SETD1A: variants seen among roughly 807,000 people sequenced by gnomAD.
SETD1A encodes the protein SET domain containing 1A, histone lysine methyltransferase.
In SETD1A, 29 loss-of-function variants were observed where a neutral mutation model predicts 149.9. The ratio of observed to expected loss-of-function variants is 0.19; its 90% confidence interval spans 0.14 to 0.26. The LOEUF (loss-of-function observed/expected upper bound fraction) is 0.26. SETD1A is among the 10% of genes least tolerant of loss of function. The probability of loss-of-function intolerance (pLI) is 1.00; values close to 1 mark genes in which losing one functional copy is unlikely to be tolerated. For synonymous variants in SETD1A, 1,141 were observed against 968.5 expected (o/e 1.18, Z -3.31); for missense variants, 2,109 against 2,353.1 (o/e 0.90, Z 2.15).
chr16:30,959,266 G>C (rs114200753), intron 3 of SETD1A, 80 bp downstream of exon 3: 1 of 954,864 alleles, frequency 1.0e-6, no homozygotes, highest in East Asian at 2.4e-5. Flanking sequence ...CTGAATAAAA[G>C]GGTTTCCAAT....
chr16:30,980,479 C>A lies in SETD1A; in HGVS notation c.4409-6C>A. On this transcript the variant is annotated splice_region_variant and splice_polypyrimidine_tract_variant and intron_variant, in intron 14 of 18. Coordinates refer to ENST00000262519, the MANE Select transcript of SETD1A (RefSeq NM_014712.3). The surrounding 1 kb of genome is among the most constrained non-coding windows in gnomAD (Gnocchi z 7.7). ...AGGAGCCGTTCTCTTCCTTAACACC[C>A]TGCACTCACCAACCTGACCACCCCA... The A allele has an allele frequency of 6.2e-7, 1 of 1,612,012 alleles. No homozygotes were observed. Among genetic ancestry groups the A allele is most frequent in the South Asian group, 1.1e-5 (1 of 90,720 alleles).
intron 3 of SETD1A, among the ~76,000 whole-genome samples, chr16:30,960,766 C>G (rs1291003015): frequency 1.7e-5 from 2 of 117,852 alleles, no homozygotes; most frequent in Non-Finnish European, 3.2e-5. Context: ...GACGGAGTCT[C>G]GCTGTGTTGC....
Position 30,979,335 on chromosome 16 carries a change from A to G in SETD1A, c.3549A>G (p.Pro1183=). 3 of 1,608,690 alleles carry G rather than the reference A, an allele frequency of 1.9e-6. No individual in the cohort carries two copies. The highest frequency in any genetic ancestry group is 1.4e-5 in the African/African-American group (1 of 73,552). ...TGGTGCCAGCCCCGGAGCCCCCTCCAGCCACACCGCCGCAGGCCAAGTTTC... is the reference window on the plus strand; with the variant it reads ...TGGTGCCAGCCCCGGAGCCCCCTCCGGCCACACCGCCGCAGGCCAAGTTTC... The part of the protein sequence containing the change: ...IEVVPAPEPP[P]ATPPQAKFPG... The change falls in exon 14 of 19, where the codon CCA becomes CCG. Residue 1183 remains proline, a synonymous_variant. Transcript: ENST00000262519.
chr16:30,969,228 T>C (rs1230677065), intron 10 of SETD1A, 77 bp from the exon 11 acceptor site: 2 of 1,399,970 alleles, frequency 1.4e-6, no homozygotes, highest in Admixed American at 2.2e-5. Flanking sequence ...GGTAATAGTA[T>C]ATGTAAAGCC....
At chr16:30,962,317 G>A (rs1262214602) in intron 4 of SETD1A, among the ~76,000 whole-genome samples, 3 of 152,052 alleles carry the variant, frequency 2.0e-5, no homozygotes, top group Admixed American at 6.6e-5. Context: ...TGCCTGCCTC[G>A]GCCTCCCAAA....
At chr16:30,975,943 GC>G (rs1567360351) in intron 13 of SETD1A, among the ~76,000 whole-genome samples, 1 of 152,080 alleles carries the variant, frequency 6.6e-6, no homozygotes, top group East Asian at 1.9e-4. Flanking sequence ...AGGAATGCTT[GC>G]TGGCATGGCC....
In SETD1A at chr16:30,971,540, C is replaced by T; in HGVS notation, c.3179C>T (p.Ser1060Phe). 6.2e-7 allele frequency: 1 copy of T among 1,613,838 alleles called. No individual in the cohort carries two copies. The highest frequency in any genetic ancestry group is 8.5e-7 in the Non-Finnish European group (1 of 1,179,824). ...SSSSSSSSSE[S>F]SSEDEEEEER... ...TCCTCGTCCTCTTCATCCTCTGAGT[C>T]CTCCTCTGAAGATGAAGAGGAAGAG... The change falls in exon 13 of 19, where the codon TCC (serine) becomes TTC (phenylalanine). Residue 1060 changes from serine to phenylalanine, a missense_variant. This residue lies in a region of SETD1A where 832 missense variants were observed against 815.6 expected (regional missense o/e 1.02). Transcript: ENST00000262519.
At chr16:30,958,564 C>T (rs574555408) in intron 1 of SETD1A, among the ~76,000 whole-genome samples, 153 bp from the exon 2 acceptor site, 1 of 152,096 alleles carries the variant, frequency 6.6e-6, no homozygotes, top group African/African-American at 2.4e-5. Context: ...ACAGAGGGTA[C>T]TTGGGGGAGA....
In SETD1A at chr16:30,964,228, T is replaced by C; in HGVS notation, c.774T>C (p.Ser258=). The C allele has an allele frequency of 6.2e-7, 1 of 1,614,094 alleles. No homozygotes were observed. The highest frequency in any genetic ancestry group is 8.5e-7 in the Non-Finnish European group (1 of 1,180,002). The change falls in exon 6 of 19, where the codon TCT becomes TCC. Residue 258 remains serine (S), a synonymous_variant. Transcript: ENST00000262519. ...SFSSSRQDTP[S]SFGQFTPQSS... Reference sequence around the variant, plus strand: ...CCAGCAGCCGACAAGATACCCCATCTTCCTTTGGCCAGTTCACACCTCAGT... The same window carrying C: ...CCAGCAGCCGACAAGATACCCCATCCTCCTTTGGCCAGTTCACACCTCAGT...
chr16:30,982,591 G>A (rs2056394174), intron 17 of SETD1A, among the ~76,000 whole-genome samples: 1 of 152,150 alleles, frequency 6.6e-6, no homozygotes, highest in African/African-American at 2.4e-5. Context: ...GGGCTTGGGA[G>A]CCTGTGAATC....
Position 30,971,380 on chromosome 16 carries a change from G to A in SETD1A, c.3019G>A (p.Glu1007Lys), listed in dbSNP as rs767731186. ...GACTGCCCCTTCTGGATTTCCAGGCGAGGACGAGGAAAGCGATTCGTCTTC... is the reference window on the plus strand; with the variant it reads ...GACTGCCCCTTCTGGATTTCCAGGCAAGGACGAGGAAAGCGATTCGTCTTC... ...TKKETEVSDG[E>K]DEESDSSSKC... Residue 1007 changes from glutamate (E) to lysine (K), a missense_variant and splice_region_variant, in exon 13 of 19, where the codon GAG becomes AAG. Glu to Lys is a moderately conservative substitution (Grantham distance 56, BLOSUM62 1). Around this residue, in one of 8 missense-constraint regions of SETD1A, gnomAD observed 832 missense variants for 815.6 expected, o/e 1.02. Transcript: ENST00000262519. 3.4e-5 allele frequency: 54 copies of A among 1,570,718 alleles called. No homozygotes were observed. In the East Asian group the frequency reaches 4.5e-4, roughly 13 times the overall value.
intron 13 of SETD1A, 31 bp from the exon 14 acceptor site, chr16:30,979,114 C>T (rs1361971544): frequency 2.6e-6 from 4 of 1,511,206 alleles, no homozygotes; most frequent in South Asian, 1.3e-5. Context: ...TCTCCCTGAC[C>T]TCCTTTCCTT....
At position 30,964,651 on chromosome 16, in the gene SETD1A, C is replaced by T. The variant is rs1230539101; in HGVS notation, c.909C>T (p.Asn303=). The change falls in exon 7 of 19, where the codon AAC becomes AAT. Residue 303 remains asparagine, a synonymous_variant. Transcript: ENST00000262519. The part of the protein sequence containing the change: ...STSFKPRRSE[N]SYQDAFSRRH... The stretch of plus-strand genomic sequence containing the variant: ...CCTTCAAGCCCCGGCGGTCAGAGAA[C>T]AGCTACCAAGATGCCTTTTCCCGCC... The T allele has an allele frequency of 6.2e-7, 1 of 1,613,892 alleles. No homozygotes were observed. Among genetic ancestry groups the T allele is most frequent in the Non-Finnish European group, 8.5e-7 (1 of 1,179,980 alleles).
chr16:30,979,838 CGCAGCAACTGCA>C lies in SETD1A; in HGVS notation c.4059_4070del (p.Leu1354_Gln1357del). ...GTGGCTGAGGCGGAGGAGCCCAAGC[CGCAGCAACTGCA>C]GCAGCAGCGGGAGGAGGGCGAAGAG... On this transcript the variant is annotated inframe_deletion, in exon 14 of 19. Transcript: ENST00000262519. 6.5e-7 allele frequency: 1 copy of C among 1,550,366 alleles called. No homozygotes were observed. The highest frequency in any genetic ancestry group is 8.7e-7 in the Non-Finnish European group (1 of 1,154,430).
chr16:30,980,805 T>C lies in SETD1A; in HGVS notation c.4648T>C (p.Ser1550Pro), dbSNP rs1452938689. 2 of 1,420,970 alleles carry C rather than the reference T, an allele frequency of 1.4e-6. No individual in the cohort carries two copies. The highest frequency in any genetic ancestry group is 3.9e-5 in the Admixed American group (2 of 51,046). 88.0% of individuals were successfully genotyped at this position (1,420,970 alleles called of 1,614,324 possible). Residue 1550 changes from serine (S) to proline (P), a missense_variant, in exon 16 of 19, where the codon TCC (serine) becomes CCC (proline). By Grantham distance (74) the Ser-to-Pro change is moderately conservative. Around this residue, in one of 8 missense-constraint regions of SETD1A, gnomAD observed 254 missense variants for 409.3 expected, o/e 0.62. Transcript: ENST00000262519. This position sits in a 1 kb window ranked among gnomAD's most constrained non-coding sequence, Gnocchi z 7.7. ...QRRLLSAIGTSAIMDSDLLKL... is the reference protein window; with the variant it reads ...QRRLLSAIGTPAIMDSDLLKL... ...GCGGCTGCTGAGCGCCATCGGTACC[T>C]CCGCCATCATGGACAGTGACCTGCT...
chr16:30,978,294 T>G (rs1177134879), intron 13 of SETD1A, among the ~76,000 whole-genome samples: 5 of 137,754 alleles, frequency 3.6e-5, no homozygotes, highest in Non-Finnish European at 4.7e-5. Flanking sequence ...AAAAAAAAGA[T>G]AGGAACCTCT....
chr16:30,974,184 A>C (rs867595344), intron 13 of SETD1A, among the ~76,000 whole-genome samples: 67 of 152,186 alleles, frequency 4.4e-4, no homozygotes, highest in African/African-American at 1.4e-3. Flanking sequence ...CCCCAGGAAA[A>C]GAAACTTGGG....
intron 12 of SETD1A, among the ~76,000 whole-genome samples, chr16:30,970,596 GTC>G (rs1470483498): frequency 6.6e-6 from 1 of 152,114 alleles, no homozygotes; most frequent in Non-Finnish European, 1.5e-5. Context: ...TGATTTCCCT[GTC>G]TCTCTTTCTG....
intron 13 of SETD1A, among the ~76,000 whole-genome samples, chr16:30,972,571 G>A (rs761342379): frequency 4.0e-5 from 6 of 151,616 alleles, no homozygotes; most frequent in Admixed American, 6.6e-5. Flanking sequence ...CCAGGAGGCA[G>A]AGGCTTGCAG....
Sources: allele counts gnomAD v4.1 joint callset (sites outside exome capture counted in the v4.1 genomes callset), GRCh38; gene constraint gnomAD v4.1.1; regional missense constraint gnomAD v4.1.1; non-coding constraint Gnocchi (gnomAD v3.1); transcripts MANE v1.5; gene names NCBI Gene and HGNC (gene_info 2026-07-23, HGNC 2026-07-21).